Variants in TVP23A observed in about 807,000 individuals in gnomAD.
The protein encoded by TVP23A is trans-golgi network vesicle protein 23 homolog A.
A neutral mutation model predicts 31.7 loss-of-function variants in TVP23A; 21 were observed. That is an observed-to-expected ratio of 0.66 (90% CI 0.47 to 0.95). TVP23A has a LOEUF of 0.95. Among genes scored for constraint, TVP23A ranks in the 40% least tolerant of loss-of-function variants. The pLI is 0.00. For missense variants in TVP23A, 279 were observed against 255.6 expected (o/e 1.09, Z -0.62); for synonymous variants, 104 against 96.0 (o/e 1.08, Z -0.49).
At position 10,795,772 on chromosome 16, in the gene TVP23A, G is replaced by T. The variant is rs149710235; in HGVS notation, c.90-20676C>A. Among the ~76,000 whole-genome samples, 82 of 152,136 alleles carry T rather than the reference G, an allele frequency of 5.4e-4. No individual in the cohort carries two copies. The East Asian group carries it at 0.014, about 27-fold the overall frequency. On this transcript the variant is annotated intron_variant, in intron 2 of 7. Coordinates refer to ENST00000299866, the MANE Select transcript of TVP23A (RefSeq NM_001079512.4). Reference sequence around the variant, plus strand: ...GAAATGATAGAGTCAGAATGCCACCGCCCTGTCACAATCCCTGAAGAATTC... The same window carrying T: ...GAAATGATAGAGTCAGAATGCCACCTCCCTGTCACAATCCCTGAAGAATTC...
At chr16:10,798,180 C>T (rs1266471780) in intron 2 of TVP23A, among the ~76,000 whole-genome samples, 3 of 151,800 alleles carry the variant, frequency 2.0e-5, no homozygotes, top group Non-Finnish European at 2.9e-5. Context: ...AGGATGGTCT[C>T]GATCTCCTGA....
intron 6 of TVP23A, among the ~76,000 whole-genome samples, chr16:10,770,565 TAA>T (rs150195896): frequency 2.8e-5 from 4 of 141,956 alleles, no homozygotes. Flanking sequence ...TCTATTAAGT[TAA>T]AAAAAAAAAA....
downstream of TVP23A, chr16:10,758,064 T>G (rs1394708118): frequency 6.3e-7 from 1 of 1,597,478 alleles, no homozygotes; most frequent in Admixed American, 1.7e-5. Flanking sequence ...GTCCAAACTG[T>G]GCTCCACACT....
Position 10,788,827 on chromosome 16 carries a change from C to G in TVP23A, c.90-13731G>C, listed in dbSNP as rs912841520. ...TAGTAGGAGTGGGCTTAACAAGGAG[C>G]CTGCATGTCTCTCCACATTCCAGTG... On this transcript the variant is annotated intron_variant, in intron 2 of 7. Coordinates refer to ENST00000299866, the MANE Select transcript of TVP23A (RefSeq NM_001079512.4). Among the ~76,000 whole-genome samples, 4 of 152,316 alleles carry G rather than the reference C, an allele frequency of 2.6e-5. 1 individual carries two copies. Among genetic ancestry groups the G allele is most frequent in the South Asian group, 4.1e-4 (2 of 4,822 alleles).
chr16:10,792,138 C>G (rs113715412), intron 2 of TVP23A, among the ~76,000 whole-genome samples: 1 of 152,216 alleles, frequency 6.6e-6, no homozygotes, highest in African/African-American at 2.4e-5. Context: ...TTTTTCCCTT[C>G]GGAAGCCCTT....
chr16:10,791,984 T>C (rs2033130267), intron 2 of TVP23A, among the ~76,000 whole-genome samples: 3 of 152,290 alleles, frequency 2.0e-5, no homozygotes, highest in Admixed American at 2.0e-4. Context: ...ATTTGTGTAA[T>C]AAGATTAGGG....
intron 2 of TVP23A, among the ~76,000 whole-genome samples, chr16:10,778,661 TAAA>T (rs532972083): frequency 0.012 from 1,663 of 138,168 alleles, 11 homozygotes; most frequent in Non-Finnish European, 0.019. Flanking sequence ...AATACAAATG[TAAA>T]AAAAAAAAAA....
downstream of TVP23A, among the ~76,000 whole-genome samples, chr16:10,762,385 G>A (rs1596467354): frequency 6.6e-6 from 1 of 152,210 alleles, no homozygotes. Flanking sequence ...GGTCTCCCAG[G>A]ATCCCAAGAG....
intron 2 of TVP23A, among the ~76,000 whole-genome samples, chr16:10,797,028 A>G (rs4780995): frequency 0.11 from 17,027 of 151,022 alleles, 1,950 homozygotes; most frequent in East Asian, 0.53. Context: ...CATCTCTACA[A>G]AAAATCAAAC....
chr16:10,772,099 G>A (rs568985955), intron 5 of TVP23A, among the ~76,000 whole-genome samples: 5 of 152,318 alleles, frequency 3.3e-5, no homozygotes, highest in Admixed American at 2.0e-4. Flanking sequence ...CTCAAGCCAC[G>A]TAGAAATGCT....
At chr16:10,797,795 CT>C (rs1160595963) in intron 2 of TVP23A, among the ~76,000 whole-genome samples, 2 of 151,740 alleles carry the variant, frequency 1.3e-5, no homozygotes, top group African/African-American at 4.8e-5. Flanking sequence ...CTGTGGTTTG[CT>C]TCAAAATGAT....
rs1596598677 is a variant in TVP23A at position 10,818,709 on chromosome 16, G to C, written c.-216C>G. The C allele has an allele frequency of 1.1e-5, 6 of 527,774 alleles. No individual in the cohort carries two copies. Among genetic ancestry groups the C allele is most frequent in the Non-Finnish European group, 1.9e-5 (6 of 312,316 alleles). The allele number at this position is 527,774 out of a possible 1,614,324, so 32.7% of individuals were successfully genotyped here. A position where few individuals can be genotyped will look rare whatever the true frequency, so the allele number is the denominator to read the frequency against. On this transcript the variant is annotated 5_prime_UTR_variant, in exon 1 of 8. Coordinates refer to ENST00000299866, the MANE Select transcript of TVP23A (RefSeq NM_001079512.4). This position sits in a 1 kb window ranked among gnomAD's most constrained non-coding sequence, Gnocchi z 4.7. ...CAGTCGCAGGCTGGGGAGGGGGCTC[G>C]GCTCGCCGGGGACGCGCCCAGGAGA...
At chr16:10,815,986 C>T (rs73497775) in intron 2 of TVP23A, among the ~76,000 whole-genome samples, 1,595 of 152,244 alleles carry the variant, frequency 0.01, 26 homozygotes, top group African/African-American at 0.036. Context: ...CTTTAAGAGG[C>T]TGACACGGGA....
chr16:10,784,559 T>A (rs1208997131), intron 2 of TVP23A, among the ~76,000 whole-genome samples: 1 of 136,890 alleles, frequency 7.3e-6, no homozygotes, highest in Non-Finnish European at 1.5e-5. Context: ...AGACCTTGTC[T>A]CAAAAAAAAT....
chr16:10,761,792 C>T (rs141467197), downstream of TVP23A: 1,412 of 1,614,056 alleles, frequency 8.7e-4, 2 homozygotes, highest in Non-Finnish European at 1.1e-3. Flanking sequence ...CAACCGGGGG[C>T]GCGGAGCTCA....
In TVP23A at chr16:10,796,631, G is replaced by A. The variant is rs1013225221; in HGVS notation, c.89+21472C>T. 3.9e-5 allele frequency among the ~76,000 whole-genome samples: 6 copies of A among 152,090 alleles called. No homozygotes were observed. The South Asian group carries it at 1.2e-3, about 32-fold the overall frequency. ...TTTTTTGTATTTTTAGTAGAGACAGGGTTTCACCGTGTTGGCCAGGATGGT... is the reference window on the plus strand; with the variant it reads ...TTTTTTGTATTTTTAGTAGAGACAGAGTTTCACCGTGTTGGCCAGGATGGT... On this transcript the variant is annotated intron_variant, in intron 2 of 7. Transcript: ENST00000299866.
chr16:10,796,526 G>A (rs1228034462), intron 2 of TVP23A, among the ~76,000 whole-genome samples: 4 of 152,018 alleles, frequency 2.6e-5, no homozygotes, highest in Admixed American at 6.6e-5. Flanking sequence ...TCTGCCTCCC[G>A]GGTTCACACC....
intron 2 of TVP23A, among the ~76,000 whole-genome samples, chr16:10,814,191 A>G (rs1280610244): frequency 6.6e-6 from 1 of 152,104 alleles, no homozygotes; most frequent in Non-Finnish European, 1.5e-5. Context: ...GGCCAGACCC[A>G]GGAATCTGCA....
At chr16:10,792,171 G>A (rs995021700) in intron 2 of TVP23A, among the ~76,000 whole-genome samples, 2 of 152,216 alleles carry the variant, frequency 1.3e-5, no homozygotes, top group Non-Finnish European at 2.9e-5. Flanking sequence ...GAAGAAAGCT[G>A]TTCCCCTTTC....
Sources: gnomAD v4.1 joint callset for allele counts (sites outside exome capture counted in the v4.1 genomes callset) on GRCh38, gnomAD v4.1.1 for gene constraint, Gnocchi (gnomAD v3.1) non-coding constraint, MANE v1.5 for transcripts, NCBI Gene and HGNC (gene_info 2026-07-23, HGNC 2026-07-21) for gene names.